The following KIF24 variants were observed in gnomAD, a reference collection of about 807,000 sequenced individuals.
KIF24 encodes kinesin family member 24.
In KIF24, 81 loss-of-function variants were observed where a neutral mutation model predicts 118.9. The observed-to-expected ratio is 0.68, with a 90% confidence interval of 0.57 to 0.82. The LOEUF (loss-of-function observed/expected upper bound fraction) is 0.82, where lower values mean the gene tolerates loss of function less well. KIF24 is among the 40% of genes least tolerant of loss of function. KIF24 has a pLI of 0.00. For missense variants in KIF24, 1,560 were observed against 1,661.6 expected, an observed-to-expected ratio of 0.94 and a Z score of 1.06; for synonymous variants, 599 against 610.0, an observed-to-expected ratio of 0.98 and a Z score of 0.27.
intron 6 of KIF24, among the ~76,000 whole-genome samples, chr9:34,281,357 A>T (rs1279966967): frequency 6.6e-6 from 1 of 152,142 alleles, no homozygotes; most frequent in Non-Finnish European, 1.5e-5. Flanking sequence ...ACTGATTTCT[A>T]ATTATACACT....
chr9:34,286,105 G>A (rs1022675144), intron 6 of KIF24, among the ~76,000 whole-genome samples: 1 of 151,760 alleles, frequency 6.6e-6, no homozygotes, highest in Non-Finnish European at 1.5e-5. Flanking sequence ...AGGTCGAGGC[G>A]GGTGGATCAC....
rs113136564 is a variant in KIF24, at chr9:34,263,611, C to T, written c.1444-439G>A. On this transcript the variant is annotated intron_variant, in intron 8 of 12. Coordinates refer to ENST00000402558, the MANE Select transcript of KIF24 (RefSeq NM_194313.4). ...CTGCTCACACATGCACACCCGTTGG[C>T]GTAGAGTCAAGCATAGATTCAGATA... Among the ~76,000 whole-genome samples the T allele has an allele frequency of 6.8e-3, 1,033 of 152,112 alleles. 11 individuals carry two copies. Among genetic ancestry groups the T allele is most frequent in the African/African-American group, 0.024 (994 of 41,488 alleles).
chr9:34,304,600 T>G (rs756239987), intron 3 of KIF24, among the ~76,000 whole-genome samples: 1 of 152,176 alleles, frequency 6.6e-6, no homozygotes, highest in Non-Finnish European at 1.5e-5. Flanking sequence ...TAGTCCATTT[T>G]CAAAATAAAT....
At chr9:34,288,636 T>C (rs1006374863) in intron 5 of KIF24, among the ~76,000 whole-genome samples, 15 of 151,658 alleles carry the variant, frequency 9.9e-5, no homozygotes, top group African/African-American at 3.4e-4. Flanking sequence ...TATATATACA[T>C]GAACCCCACA....
At chr9:34,269,135 A>G (rs1835404379) in intron 8 of KIF24, 122 bp downstream of exon 8, 2 of 530,976 alleles carry the variant, frequency 3.8e-6, no homozygotes, top group African/African-American at 2.0e-5. Flanking sequence ...CTGGCATTCT[A>G]TTACTACATA....
intron 6 of KIF24, among the ~76,000 whole-genome samples, chr9:34,284,070 C>A (rs1835949585): frequency 6.6e-6 from 1 of 152,024 alleles, no homozygotes; most frequent in Non-Finnish European, 1.5e-5. Flanking sequence ...GAACTTGAGA[C>A]CAGCCTGGGC....
chr9:34,271,325 C>CAAAAAAAAAAA (rs58895274), intron 7 of KIF24, among the ~76,000 whole-genome samples: 44 of 107,230 alleles, frequency 4.1e-4, no homozygotes, highest in African/African-American at 9.3e-4. Flanking sequence ...AGCAATCCAG[C>CAAAAAAAAAAA]AAAAAAAAAA....
chr9:34,303,152 T>C (rs756434291), intron 3 of KIF24, among the ~76,000 whole-genome samples: 4 of 151,972 alleles, frequency 2.6e-5, no homozygotes, highest in Non-Finnish European at 5.9e-5. Flanking sequence ...TGGGCTCAAG[T>C]GATCCTCCTG....
Position 34,291,843 on chromosome 9 carries a change from G to A in KIF24, c.912-1454C>T, listed in dbSNP as rs569890687. On this transcript the variant is annotated intron_variant, in intron 4 of 12. Transcript: ENST00000402558. ...ACAGGAAAATAAATCTCAGGACCCC[G>A]AACTCACTAAGCCAAATGGAAAAGT... Among the ~76,000 whole-genome samples the A allele has an allele frequency of 3.8e-4, 58 of 151,504 alleles. 1 individual carries two copies. Among genetic ancestry groups the A allele is most frequent in the African/African-American group, 1.2e-3 (50 of 41,334 alleles).
intron 9 of KIF24, 28 bp from the exon 10 acceptor site, chr9:34,259,733 A>G: frequency 1.4e-6 from 2 of 1,473,496 alleles, no homozygotes; most frequent in East Asian, 4.5e-5. Flanking sequence ...CAGGTCAATG[A>G]GTGAAGTCAA....
intron 4 of KIF24, among the ~76,000 whole-genome samples, chr9:34,296,566 T>C (rs1282089745): frequency 6.6e-6 from 1 of 151,730 alleles, no homozygotes; most frequent in African/African-American, 2.4e-5. Context: ...CTATGAAAAA[T>C]TGATAAGTGA....
rs1215590682 is a variant in KIF24, at chr9:34,318,722, G to A, written c.-25-7351C>T. ...TGCCAAGCAGCTGAGCGACGAGGAG[G>A]TGCACGCCGGCGTGGGCGAGCCGCT... On this transcript the variant is annotated intron_variant, in intron 1 of 12. Coordinates refer to ENST00000402558, the MANE Select transcript of KIF24 (RefSeq NM_194313.4). This position sits in a 1 kb window ranked among gnomAD's most constrained non-coding sequence, Gnocchi z 4.9. 2.7e-6 allele frequency: 4 copies of A among 1,506,314 alleles called. No homozygotes were observed. Among genetic ancestry groups the A allele is most frequent in the African/African-American group, 2.7e-5 (2 of 73,416 alleles). The allele number at this position is 1,506,314 out of a possible 1,614,324, so 93.3% of individuals were successfully genotyped here.
chr9:34,260,742 G>T (rs866618140), intron 9 of KIF24, among the ~76,000 whole-genome samples: 1 of 152,136 alleles, frequency 6.6e-6, no homozygotes, highest in African/African-American at 2.4e-5. Context: ...AGGCCAAGGC[G>T]GGCAGATCAC....
chr9:34,286,664 C>T lies in KIF24; in HGVS notation c.1168G>A (p.Val390Met). ...REDSKHMVQI[V>M]GLQELQVDSV... The stretch of plus-strand genomic sequence containing the variant: ...TCCACCTGAAGCTCTTGCAGTCCCA[C>T]TATCTGCACCATGTGCTTGCTATCT... The change falls in exon 6 of 13, where the codon GTG (valine) becomes ATG (methionine). Residue 390 changes from valine to methionine, a missense_variant. Transcript: ENST00000402558. 1.9e-6 allele frequency: 3 copies of T among 1,613,752 alleles called. No individual in the cohort carries two copies. Among genetic ancestry groups the T allele is most frequent in the East Asian group, 2.2e-5 (1 of 44,890 alleles).
chr9:34,285,571 G>A lies in KIF24; in HGVS notation c.1215+1046C>T, dbSNP rs371346566. 9.8e-4 allele frequency among the ~76,000 whole-genome samples: 149 copies of A among 152,006 alleles called. 1 individual carries two copies. Among genetic ancestry groups the A allele is most frequent in the African/African-American group, 3.0e-3 (126 of 41,476 alleles). On this transcript the variant is annotated intron_variant, in intron 6 of 12. Coordinates refer to ENST00000402558, the MANE Select transcript of KIF24 (RefSeq NM_194313.4). ...GGGCGGATCATGAGGTCAGGAGATC[G>A]AGACCATTCTGGCAAACACGGTGAA...
At chr9:34,324,309 T>G (rs2131837526) in intron 1 of KIF24, among the ~76,000 whole-genome samples, 1 of 152,270 alleles carries the variant, frequency 6.6e-6, no homozygotes, top group South Asian at 2.1e-4. Context: ...GCCCCTCCAC[T>G]TCTCTCTTCT....
intron 1 of KIF24, chr9:34,319,420 C>G (rs1254738340): frequency 3.0e-6 from 3 of 986,006 alleles, no homozygotes; most frequent in African/African-American, 1.6e-5. Flanking sequence ...TCACGCATGC[C>G]ACACAAGAAG....
chr9:34,295,127 G>GTAGGTAGAT lies in KIF24; in HGVS notation c.911+1889_911+1890insATCTACCTA, dbSNP rs1293311035. ...GCCTACAATTTTAATAGATAGGTAG[G>GTAGGTAGAT]TAGATAGGTAGGTAGGTAGATTAGA... On this transcript the variant is annotated intron_variant, in intron 4 of 12. Coordinates refer to ENST00000402558, the MANE Select transcript of KIF24 (RefSeq NM_194313.4). Among the ~76,000 whole-genome samples, 170 of 48,638 alleles carry GTAGGTAGAT rather than the reference G, an allele frequency of 3.5e-3. 1 individual carries two copies. The highest frequency in any genetic ancestry group is 5.7e-3 in the African/African-American group (163 of 28,558). 31.9% of individuals were successfully genotyped at this position (48,638 alleles called of 152,430 possible). A position where few individuals can be genotyped will look rare whatever the true frequency, so the allele number is the denominator to read the frequency against.
At chr9:34,316,900 C>T (rs531800532) in intron 1 of KIF24, among the ~76,000 whole-genome samples, 1 of 151,212 alleles carries the variant, frequency 6.6e-6, no homozygotes, top group South Asian at 2.1e-4. Context: ...TGAAACCCCC[C>T]GTCTCTATTA....
Sources: gnomAD v4.1 joint callset for allele counts (sites outside exome capture counted in the v4.1 genomes callset) on GRCh38, gnomAD v4.1.1 for gene constraint, Gnocchi (gnomAD v3.1) non-coding constraint, MANE v1.5 for transcripts, NCBI Gene and HGNC (gene_info 2026-07-23, HGNC 2026-07-21) for gene names.